The following SOX6 variants were observed in gnomAD, a reference collection of about 807,000 sequenced individuals.
SOX6 encodes transcription factor SOX-6.
Under a neutral mutation model 97.8 loss-of-function variants are expected in SOX6, and 11 were observed. The ratio of observed to expected loss-of-function variants is 0.11; its 90% CI spans 0.07 to 0.19. SOX6 has a LOEUF of 0.19. Among genes scored for constraint, SOX6 ranks in the 10% least tolerant of loss-of-function variants. The probability of loss-of-function intolerance (pLI) is 1.00; values close to 1 mark genes in which losing one functional copy is unlikely to be tolerated. For missense variants in SOX6, 810 were observed against 1,039.5 expected (o/e 0.78, Z 3.04); for synonymous variants, 360 against 371.4 (o/e 0.97, Z 0.35).
chr11:16,098,198 G>C (rs1026586134), intron 7 of SOX6, among the ~76,000 whole-genome samples: 2 of 151,772 alleles, frequency 1.3e-5, no homozygotes, highest in African/African-American at 4.8e-5. Context: ...TGATAGGGCT[G>C]AGAGGACAGC....
chr11:16,423,202 C>T (rs572870316), intron 1 of SOX6, among the ~76,000 whole-genome samples: 1 of 152,250 alleles, frequency 6.6e-6, no homozygotes, highest in African/African-American at 2.4e-5. Context: ...AAGCTCCTCA[C>T]TCTTCAAGGC....
chr11:16,654,164 C>T (rs1168405423), intron 3 of SOX6, among the ~76,000 whole-genome samples: 1 of 152,036 alleles, frequency 6.6e-6, no homozygotes. Flanking sequence ...ATTGTCATCT[C>T]TCTTTTTTTA....
intron 6 of SOX6, among the ~76,000 whole-genome samples, chr11:16,166,748 A>G (rs1475394482): frequency 3.9e-5 from 6 of 152,216 alleles, no homozygotes; most frequent in African/African-American, 1.4e-4. Context: ...GAACCAGGCC[A>G]TAATGAAATT....
At chr11:16,480,812 A>G (rs959221177), upstream of SOX6, among the ~76,000 whole-genome samples, 3 of 152,180 alleles carry the variant, frequency 2.0e-5, no homozygotes, top group African/African-American at 7.2e-5. Flanking sequence ...GTCCACTTTT[A>G]CATTAAATCA....
intron 7 of SOX6, among the ~76,000 whole-genome samples, chr11:16,097,968 C>T (rs1848841681): frequency 6.6e-6 from 1 of 151,796 alleles, no homozygotes; most frequent in African/African-American, 2.4e-5. Flanking sequence ...TCTTGTAATA[C>T]ATCATTTTTT....
In SOX6 at chr11:16,503,717, T is replaced by C. The variant is rs181906280; in HGVS notation, n.610-27329A>G. ...AGATGAAAATGTCATTATATAATGA[T>C]AAAGGGAACAACTCAGCAAGAGGAT... On this transcript the variant is annotated intron_variant and non_coding_transcript_variant, in intron 4 of 5. Coordinates refer to the SOX6 transcript ENST00000524520. Among the ~76,000 whole-genome samples, 452 of 152,168 alleles carry C rather than the reference T, an allele frequency of 3.0e-3. 1 individual carries two copies. The highest frequency in any genetic ancestry group is 5.6e-3 in the Non-Finnish European group (378 of 68,016).
intron 10 of SOX6, among the ~76,000 whole-genome samples, chr11:16,053,822 G>A (rs1322560741): frequency 6.6e-6 from 1 of 152,072 alleles, no homozygotes; most frequent in African/African-American, 2.4e-5. Context: ...TGACTATAAA[G>A]AGAAACGTGA....
At chr11:15,983,145 G>A (rs1853722329) in intron 15 of SOX6, among the ~76,000 whole-genome samples, 1 of 151,890 alleles carries the variant, frequency 6.6e-6, no homozygotes, top group Non-Finnish European at 1.5e-5. Flanking sequence ...AATATACAAA[G>A]CCAGATACAT....
chr11:16,319,588 C>T (rs1006164592), intron 2 of SOX6, among the ~76,000 whole-genome samples: 4 of 150,510 alleles, frequency 2.7e-5, no homozygotes, highest in African/African-American at 9.8e-5. Flanking sequence ...TGATAACATG[C>T]GGCGTTTGGT....
intron 3 of SOX6, among the ~76,000 whole-genome samples, chr11:16,284,644 T>C (rs1196045272): frequency 6.6e-6 from 1 of 152,120 alleles, no homozygotes; most frequent in East Asian, 1.9e-4. Context: ...GAGCATCAGT[T>C]TACTAGGGAA....
intron 10 of SOX6, among the ~76,000 whole-genome samples, chr11:16,051,291 A>T (rs1371128517): frequency 6.6e-6 from 1 of 152,194 alleles, no homozygotes; most frequent in East Asian, 1.9e-4. Context: ...ACAAATAGGA[A>T]AATGGAGGTC....
At chr11:16,412,355 A>G (rs954036567) in intron 1 of SOX6, among the ~76,000 whole-genome samples, 1 of 152,252 alleles carries the variant, frequency 6.6e-6, no homozygotes, top group African/African-American at 2.4e-5. Flanking sequence ...TCTCCAAATC[A>G]GATATATCCA....
intron 3 of SOX6, among the ~76,000 whole-genome samples, chr11:16,643,966 T>C (rs574403042): frequency 1.3e-5 from 2 of 152,304 alleles, no homozygotes; most frequent in African/African-American, 4.8e-5. Context: ...AGTACCTCAG[T>C]TGGAAATGCA....
intron 12 of SOX6, among the ~76,000 whole-genome samples, chr11:16,029,978 T>C (rs766843193): frequency 6.6e-6 from 1 of 152,188 alleles, no homozygotes; most frequent in Non-Finnish European, 1.5e-5. Context: ...TATTTGAATT[T>C]GCGTTATGAT....
chr11:16,582,600 C>A lies in SOX6; in HGVS notation n.609+29481G>T, dbSNP rs187068759. ...TATGTAAAATGACAGAATTAGGACC[C>A]CAAAAGATCTCAAAAAAAAACCATA... On this transcript the variant is annotated intron_variant and non_coding_transcript_variant, in intron 4 of 5. Coordinates refer to the SOX6 transcript ENST00000524520. Among the ~76,000 whole-genome samples the A allele has an allele frequency of 2.7e-3, 402 of 151,264 alleles. 1 individual carries two copies. Among genetic ancestry groups the A allele is most frequent in the African/African-American group, 9.4e-3 (388 of 41,234 alleles).
At chr11:16,062,793 C>T (rs1590169548) in intron 9 of SOX6, among the ~76,000 whole-genome samples, 1 of 151,618 alleles carries the variant, frequency 6.6e-6, no homozygotes, top group African/African-American at 2.4e-5. Context: ...ATACTGGCAG[C>T]TTTAATAAAG....
At chr11:16,227,527 G>T (rs749261729) in intron 4 of SOX6, among the ~76,000 whole-genome samples, 1 of 151,638 alleles carries the variant, frequency 6.6e-6, no homozygotes, top group Non-Finnish European at 1.5e-5. Flanking sequence ...GGGGTCAAGC[G>T]ATCTTCCTGC....
At chr11:16,629,712 T>C (rs1483594481) in intron 3 of SOX6, among the ~76,000 whole-genome samples, 2 of 152,170 alleles carry the variant, frequency 1.3e-5, no homozygotes, top group African/African-American at 4.8e-5. Context: ...TAGCTGTGAA[T>C]CCATCCAGCT....
Position 16,168,740 on chromosome 11 carries a change from C to T in SOX6, c.777+15146G>A, listed in dbSNP as rs192684844. 5.9e-5 allele frequency among the ~76,000 whole-genome samples: 9 copies of T among 152,204 alleles called. No homozygotes were observed. The East Asian group carries it at 1.7e-3, about 29-fold the overall frequency. ...ATCATGGCTGTACACAAGGCTCAGA[C>T]ACTTTCAGAAGTTATTTATACTCTA... On this transcript the variant is annotated intron_variant, in intron 6 of 15. Coordinates refer to ENST00000683767, the MANE Select transcript of SOX6 (RefSeq NM_001367873.1).
Sources: gnomAD v4.1 joint callset for allele counts (sites outside exome capture counted in the v4.1 genomes callset) on GRCh38, gnomAD v4.1.1 for gene constraint, MANE v1.5 for transcripts, NCBI Gene and HGNC (gene_info 2026-07-23, HGNC 2026-07-21) for gene names.